Variants in ANTXR1 observed in about 807,000 individuals in gnomAD.
ANTXR1 encodes the protein ANTXR cell adhesion molecule 1, also known as anthrax toxin receptor 1.
A neutral mutation model predicts 78.1 loss-of-function variants in ANTXR1; 19 were observed. The observed-to-expected ratio is 0.24, with a 90% CI of 0.17 to 0.36. ANTXR1 has a LOEUF of 0.36. Among genes scored for constraint, ANTXR1 ranks in the 10% least tolerant of loss-of-function variants. The pLI, the probability that ANTXR1 is intolerant of heterozygous loss-of-function variation, is 1.00. For missense variants in ANTXR1, 518 were observed against 718.6 expected (o/e 0.72, Z 3.19); for synonymous variants, 273 against 260.5 (o/e 1.05, Z -0.46).
chr2:69,030,585 G>A (rs1212609202), intron 1 of ANTXR1, among the ~76,000 whole-genome samples: 1 of 152,124 alleles, frequency 6.6e-6, no homozygotes, highest in Non-Finnish European at 1.5e-5. Context: ...TTTGACTGCT[G>A]AAGATAAAAA....
chr2:69,184,481 TGAA>T (rs1275346307), intron 16 of ANTXR1, among the ~76,000 whole-genome samples: 2 of 152,238 alleles, frequency 1.3e-5, no homozygotes, highest in African/African-American at 4.8e-5. Context: ...TTCTCAGCCA[TGAA>T]GAAGAAAGGG....
intron 17 of ANTXR1, among the ~76,000 whole-genome samples, chr2:69,243,750 C>A (rs1350470583): frequency 6.6e-6 from 1 of 152,212 alleles, no homozygotes; most frequent in Non-Finnish European, 1.5e-5. Flanking sequence ...ATATCTCGTT[C>A]AGGCTGGACA....
At chr2:69,243,287 C>A (rs1194395302) in intron 17 of ANTXR1, among the ~76,000 whole-genome samples, 1 of 152,238 alleles carries the variant, frequency 6.6e-6, no homozygotes, top group Non-Finnish European at 1.5e-5. Context: ...CCCTGTGAGG[C>A]TGTGAGTTGT....
intron 14 of ANTXR1, among the ~76,000 whole-genome samples, chr2:69,174,634 A>AAG (rs368930080): frequency 6.6e-6 from 1 of 151,638 alleles, no homozygotes; most frequent in African/African-American, 2.4e-5. Context: ...CAAAAAAAAA[A>AAG]AGAGAGAGAG....
chr2:69,176,590 A>G (rs898685988), intron 14 of ANTXR1, among the ~76,000 whole-genome samples: 5 of 152,176 alleles, frequency 3.3e-5, no homozygotes, highest in African/African-American at 1.2e-4. Context: ...TATAAATGTA[A>G]ACAATATTGT....
intron 17 of ANTXR1, among the ~76,000 whole-genome samples, chr2:69,206,830 T>G (rs1674917017): frequency 6.6e-6 from 1 of 152,242 alleles, no homozygotes; most frequent in Admixed American, 6.5e-5. Flanking sequence ...GATCCACTGC[T>G]GGTGGGCCTC....
chr2:69,247,879 ATGT>A lies in ANTXR1; in HGVS notation c.*2399_*2401del, dbSNP rs1189384506. 1.3e-5 allele frequency: 2 copies of A among 152,236 alleles called. No individual in the cohort carries two copies. Among genetic ancestry groups the A allele is most frequent in the African/African-American group, 2.4e-5 (1 of 41,452 alleles). 9.4% of individuals were successfully genotyped at this position (152,236 alleles called of 1,614,324 possible). Reference sequence around the variant, plus strand: ...GTCATATGCCCAGTGCAGTTACAAGATGTTGTTTCGGCAAAGCATTTTGATGGA... The same window carrying A: ...GTCATATGCCCAGTGCAGTTACAAGATGTTTCGGCAAAGCATTTTGATGGA... On this transcript the variant is annotated 3_prime_UTR_variant, in exon 18 of 18. Transcript: ENST00000303714.
chr2:69,129,757 A>C (rs1672670689), intron 12 of ANTXR1, among the ~76,000 whole-genome samples: 1 of 152,172 alleles, frequency 6.6e-6, no homozygotes, highest in Non-Finnish European at 1.5e-5. Context: ...CTCAAAAAAA[A>C]AAAAAGAGTG....
intron 1 of ANTXR1, among the ~76,000 whole-genome samples, chr2:69,027,730 A>G (rs972940525): frequency 6.6e-6 from 1 of 151,986 alleles, no homozygotes; most frequent in African/African-American, 2.4e-5. Context: ...TAGGGCCTAC[A>G]AAAGTTTAGC....
chr2:69,105,710 T>C (rs559564583), intron 10 of ANTXR1, among the ~76,000 whole-genome samples: 1 of 152,362 alleles, frequency 6.6e-6, no homozygotes, highest in Non-Finnish European at 1.5e-5. Flanking sequence ...AGTTTTAAAA[T>C]GTTATCTGTT....
intron 10 of ANTXR1, among the ~76,000 whole-genome samples, chr2:69,109,664 C>T (rs1671918634): frequency 6.6e-6 from 1 of 152,168 alleles, no homozygotes; most frequent in Admixed American, 6.5e-5. Context: ...CAGTTAAGTT[C>T]ATTTTTAATC....
chr2:69,244,058 C>G (rs192371263), intron 17 of ANTXR1, among the ~76,000 whole-genome samples: 36 of 152,334 alleles, frequency 2.4e-4, no homozygotes, highest in Admixed American at 2.1e-3. Flanking sequence ...GTCTCCCCTC[C>G]GTTGCAGAGC....
intron 8 of ANTXR1, among the ~76,000 whole-genome samples, chr2:69,087,335 G>A (rs1671084887): frequency 6.6e-6 from 1 of 152,162 alleles, no homozygotes; most frequent in African/African-American, 2.4e-5. Context: ...TCGTACTTCA[G>A]GTAGATACTA....
intron 14 of ANTXR1, among the ~76,000 whole-genome samples, chr2:69,170,647 T>G (rs186343868): frequency 6.6e-6 from 1 of 152,340 alleles, no homozygotes; most frequent in Admixed American, 6.5e-5. Context: ...TGCAGAGACT[T>G]AATGCTTTAT....
chr2:69,025,664 T>C (rs557501945), intron 1 of ANTXR1, among the ~76,000 whole-genome samples: 1 of 152,308 alleles, frequency 6.6e-6, no homozygotes, highest in Non-Finnish European at 1.5e-5. Context: ...ACTGTAACTT[T>C]AGACCAGTCA....
chr2:69,096,257 A>AAAGG (rs201497715), intron 9 of ANTXR1, among the ~76,000 whole-genome samples: 806 of 50,228 alleles, frequency 0.016, 112 homozygotes, highest in Middle Eastern at 0.022. Context: ...GACTCCGTCA[A>AAAGG]AAGGAAGGAA....
intron 3 of ANTXR1, among the ~76,000 whole-genome samples, chr2:69,068,459 C>T (rs2104197388): frequency 6.6e-6 from 1 of 152,258 alleles, no homozygotes; most frequent in East Asian, 1.9e-4. Context: ...TAAGAATTAG[C>T]CCCATGAAGA....
chr2:69,248,248 T>C lies in ANTXR1; in HGVS notation c.*2763T>C, dbSNP rs1368222287. The C allele has an allele frequency of 6.0e-6, 1 of 167,038 alleles. No homozygotes were observed. The highest frequency in any genetic ancestry group is 2.4e-5 in the African/African-American group (1 of 41,454). 10.3% of individuals were successfully genotyped at this position (167,038 alleles called of 1,614,324 possible). The stretch of plus-strand genomic sequence containing the variant: ...ATTAAAGCCAAATTTGTGTTGTATA[T>C]ATTCGTATTCCATGTGTTAGATGGA... On this transcript the variant is annotated 3_prime_UTR_variant, in exon 18 of 18. Transcript: ENST00000303714.
In ANTXR1 at chr2:69,123,622, C is replaced by T. The variant is rs78011033; in HGVS notation, c.872+536C>T. 8.5e-3 allele frequency among the ~76,000 whole-genome samples: 1,298 copies of T among 152,248 alleles called. 22 individuals carry two copies. Among genetic ancestry groups the T allele is most frequent in the African/African-American group, 0.03 (1,228 of 41,532 alleles). ...ACACGGTGCTCCTTCCTTGACTCTG[C>T]GCAGCATCGGATGTTCACCCAGACC... On this transcript the variant is annotated intron_variant, in intron 11 of 17. Coordinates refer to ENST00000303714, the MANE Select transcript of ANTXR1 (RefSeq NM_032208.3).
Sources: allele counts gnomAD v4.1 joint callset (sites outside exome capture counted in the v4.1 genomes callset), GRCh38; gene constraint gnomAD v4.1.1; transcripts MANE v1.5; gene names NCBI Gene and HGNC (gene_info 2026-07-23, HGNC 2026-07-21).